Variants in MCC observed in about 807,000 individuals in gnomAD.
The protein encoded by MCC is colorectal mutant cancer protein.
Under a neutral mutation model 116.2 loss-of-function variants are expected in MCC, and 90 were observed. That is an observed-to-expected ratio of 0.77 (90% CI 0.65 to 0.92). The LOEUF (loss-of-function observed/expected upper bound fraction) is 0.92, where lower values mean the gene tolerates loss of function less well. Among genes scored for constraint, MCC ranks in the 40% least tolerant of loss-of-function variants. The probability of loss-of-function intolerance (pLI) is 0.00; values close to 1 mark genes in which losing one functional copy is unlikely to be tolerated. For missense variants in MCC, 1,516 were observed against 1,312.2 expected, an observed-to-expected ratio of 1.16 and a Z score of -2.40; for synonymous variants, 578 against 510.5, an observed-to-expected ratio of 1.13 and a Z score of -1.78.
chr5:113,359,537 A>G (rs568514129), intron 2 of MCC, among the ~76,000 whole-genome samples: 165 of 152,382 alleles, frequency 1.1e-3, no homozygotes, highest in Non-Finnish European at 1.9e-3. Flanking sequence ...CATCAAGTTT[A>G]ATATAAAAGG....
chr5:113,173,611 C>A (rs112698285), intron 3 of MCC, among the ~76,000 whole-genome samples: 5 of 152,154 alleles, frequency 3.3e-5, no homozygotes, highest in African/African-American at 1.2e-4. Context: ...ATGACTGAAT[C>A]CCATCTAATA....
At chr5:113,242,702 C>G (rs375258964) in intron 3 of MCC, among the ~76,000 whole-genome samples, 3 of 151,988 alleles carry the variant, frequency 2.0e-5, no homozygotes, top group African/African-American at 7.3e-5. Context: ...CATGACCACA[C>G]GGGGGTAACC....
At chr5:113,132,938 T>C (rs1581128637) in intron 5 of MCC, among the ~76,000 whole-genome samples, 1 of 152,182 alleles carries the variant, frequency 6.6e-6, no homozygotes, top group Non-Finnish European at 1.5e-5. Flanking sequence ...TATTCTCTGA[T>C]GGAGAACTCC....
chr5:113,467,404 G>C (rs1771941326), intron 1 of MCC, among the ~76,000 whole-genome samples: 1 of 151,942 alleles, frequency 6.6e-6, no homozygotes, highest in African/African-American at 2.4e-5. Flanking sequence ...TCTACATATG[G>C]CTAGCCAGTT....
intron 5 of MCC, among the ~76,000 whole-genome samples, chr5:113,140,115 TG>T (rs1759092022): frequency 6.6e-6 from 1 of 152,338 alleles, no homozygotes; most frequent in East Asian, 1.9e-4. Context: ...ACAAATCTTC[TG>T]GTGCTTTACT....
chr5:113,379,406 G>C (rs1769061056), intron 2 of MCC, among the ~76,000 whole-genome samples: 1 of 152,128 alleles, frequency 6.6e-6, no homozygotes, highest in African/African-American at 2.4e-5. Flanking sequence ...CTCTATGTAG[G>C]AACTTTACAT....
intron 3 of MCC, among the ~76,000 whole-genome samples, chr5:113,197,063 C>T (rs992944042): frequency 6.6e-6 from 1 of 152,176 alleles, no homozygotes; most frequent in African/African-American, 2.4e-5. Context: ...GAGCAAGAAA[C>T]GGTGGCATAT....
At chr5:113,269,297 TCTTTTTCAATGATAC>T (rs111476336) in intron 3 of MCC, 31,205 of 629,128 alleles carry the variant, frequency 0.05, 2,468 homozygotes, top group Admixed American at 0.26. Context: ...GCCAATGAAC[TCTTTTTCAATGATAC>T]CTTTTTCAAT....
chr5:113,446,228 C>T (rs1561577225), intron 1 of MCC, among the ~76,000 whole-genome samples: 1 of 152,040 alleles, frequency 6.6e-6, no homozygotes, highest in East Asian at 1.9e-4. Context: ...ATAGCAATTA[C>T]AACAAAAAAA....
intron 3 of MCC, among the ~76,000 whole-genome samples, chr5:113,286,208 C>T (rs376058472): frequency 1.8e-4 from 27 of 152,162 alleles, no homozygotes; most frequent in South Asian, 4.1e-4. Flanking sequence ...CACCGGGGGC[C>T]GCTGGGAGAA....
chr5:113,184,576 C>G (rs1761804490), intron 3 of MCC, among the ~76,000 whole-genome samples: 1 of 150,480 alleles, frequency 6.6e-6, no homozygotes. Flanking sequence ...AATCCTCCTG[C>G]CTCAGCCTCT....
intron 1 of MCC, chr5:113,433,259 C>A (rs143269547): frequency 5.2e-6 from 1 of 192,510 alleles, no homozygotes; most frequent in South Asian, 8.6e-5. Flanking sequence ...GCCTCGTCCC[C>A]GTCCAGCCCC....
intron 1 of MCC, among the ~76,000 whole-genome samples, chr5:113,457,160 G>A (rs1213269364): frequency 6.6e-6 from 1 of 152,232 alleles, no homozygotes; most frequent in Non-Finnish European, 1.5e-5. Context: ...GGCGGGAGCG[G>A]GAACCGGGGC....
At chr5:113,136,774 A>T (rs1310185706) in intron 5 of MCC, among the ~76,000 whole-genome samples, 1 of 152,198 alleles carries the variant, frequency 6.6e-6, no homozygotes, top group Non-Finnish European at 1.5e-5. Flanking sequence ...ATATAAGATC[A>T]TATCATCTGT....
intron 3 of MCC, among the ~76,000 whole-genome samples, chr5:113,296,679 A>T (rs1277489864): frequency 6.6e-6 from 1 of 152,108 alleles, no homozygotes; most frequent in Non-Finnish European, 1.5e-5. Context: ...GTGCCATGTT[A>T]AAAAAATGGG....
intron 3 of MCC, among the ~76,000 whole-genome samples, chr5:113,271,805 G>A (rs931854596): frequency 2.0e-5 from 3 of 152,170 alleles, no homozygotes; most frequent in Non-Finnish European, 4.4e-5. Flanking sequence ...GCCATGTGAT[G>A]CTGTCCATGA....
chr5:113,414,593 CT>C (rs1025917273), intron 1 of MCC, among the ~76,000 whole-genome samples: 4 of 151,340 alleles, frequency 2.6e-5, no homozygotes, highest in Middle Eastern at 3.4e-3. Context: ...GCAACCCCTG[CT>C]TTTTTTTTGC....
chr5:113,202,945 C>T (rs1362790156), intron 3 of MCC, among the ~76,000 whole-genome samples: 1 of 152,144 alleles, frequency 6.6e-6, no homozygotes, highest in Non-Finnish European at 1.5e-5. Flanking sequence ...TTAAATTGCA[C>T]CCAATCCGGC....
At chr5:113,247,962 C>T (rs1451347478) in intron 3 of MCC, among the ~76,000 whole-genome samples, 7 of 152,224 alleles carry the variant, frequency 4.6e-5, no homozygotes, top group African/African-American at 1.7e-4. Flanking sequence ...AACCAAGAGC[C>T]TAACCTTGAG....
Sources: allele counts gnomAD v4.1 joint callset (sites outside exome capture counted in the v4.1 genomes callset), GRCh38; gene constraint gnomAD v4.1.1; transcripts MANE v1.5; gene names NCBI Gene and HGNC (gene_info 2026-07-23, HGNC 2026-07-21).